Variants in RNF217 observed in about 807,000 individuals in gnomAD.
RNF217 encodes the protein E3 ubiquitin-protein ligase RNF217.
In RNF217, 31 loss-of-function variants were observed where a neutral mutation model predicts 57.8. That is an observed-to-expected ratio of 0.54 (90% confidence interval 0.40 to 0.72). The LOEUF is 0.72. Among genes scored for constraint, RNF217 ranks in the 30% least tolerant of loss-of-function variants. The pLI is 0.00. For missense variants in RNF217, 696 were observed against 708.3 expected, an observed-to-expected ratio of 0.98 and a Z score of 0.20; for synonymous variants, 313 against 294.0, an observed-to-expected ratio of 1.06 and a Z score of -0.66.
chr6:125,069,588 C>T (rs1010522610), intron 3 of RNF217, among the ~76,000 whole-genome samples: 3 of 152,122 alleles, frequency 2.0e-5, no homozygotes, highest in Admixed American at 6.5e-5. Context: ...AGTTTGTTTG[C>T]TATTGTGAAT....
chr6:125,045,143 CAAA>C, intron 1 of RNF217, 65 bp from the exon 2 acceptor site: 3 of 868,116 alleles, frequency 3.5e-6, no homozygotes, highest in Non-Finnish European at 5.3e-6. Flanking sequence ...ATACTGTATA[CAAA>C]AAAAAAAATG....
At chr6:125,060,860 A>C (rs971750043) in intron 3 of RNF217, among the ~76,000 whole-genome samples, 2 of 152,176 alleles carry the variant, frequency 1.3e-5, no homozygotes, top group African/African-American at 4.8e-5. Flanking sequence ...ACTTACTCCT[A>C]ACATCTTATT....
At chr6:125,041,047 T>C (rs6929098) in intron 1 of RNF217, among the ~76,000 whole-genome samples, 6,480 of 152,134 alleles carry the variant, frequency 0.043, 176 homozygotes, top group African/African-American at 0.08. Context: ...ACAAGGATGC[T>C]CTCTCTCACC....
intron 3 of RNF217, among the ~76,000 whole-genome samples, chr6:125,071,482 ATATGTG>A (rs1443259597): frequency 7.4e-4 from 91 of 122,366 alleles, no homozygotes; most frequent in South Asian, 2.4e-3. Flanking sequence ...ATCTGCCTAC[ATATGTG>A]TGTGTGTGTG....
rs117608432 is a variant in RNF217 at position 124,964,841 on chromosome 6, C to T, written c.882+1415C>T. ...TTCAGACATTTCCAAAATATAAGCCCGCCTCCAGGGAAGTCACTGTGAGAG... is the reference window on the plus strand; with the variant it reads ...TTCAGACATTTCCAAAATATAAGCCTGCCTCCAGGGAAGTCACTGTGAGAG... On this transcript the variant is annotated intron_variant, in intron 1 of 5. Coordinates refer to ENST00000521654, the MANE Select transcript of RNF217 (RefSeq NM_001286398.3). Among the ~76,000 whole-genome samples, 54 of 152,208 alleles carry T rather than the reference C, an allele frequency of 3.5e-4. 1 individual carries two copies. In the East Asian group the frequency reaches 7.1e-3, roughly 20 times the overall value.
intron 1 of RNF217, among the ~76,000 whole-genome samples, chr6:125,043,478 G>A (rs1786966401): frequency 6.6e-6 from 1 of 151,874 alleles, no homozygotes; most frequent in Non-Finnish European, 1.5e-5. Flanking sequence ...ACATGTTCCT[G>A]CAAAGCTTCA....
intron 3 of RNF217, among the ~76,000 whole-genome samples, chr6:125,070,055 C>A (rs936645572): frequency 9.2e-5 from 14 of 152,086 alleles, no homozygotes; most frequent in African/African-American, 2.9e-4. Context: ...ATCTTTATAC[C>A]TTTGCATCCC....
At chr6:125,049,903 A>G (rs907530373) in intron 2 of RNF217, among the ~76,000 whole-genome samples, 3 of 151,888 alleles carry the variant, frequency 2.0e-5, no homozygotes, top group South Asian at 2.1e-4. Context: ...ATATGTTGAT[A>G]GTGTTAAGTT....
At chr6:125,058,170 A>C in intron 3 of RNF217, 64 bp downstream of exon 3, 3 of 1,385,494 alleles carry the variant, frequency 2.2e-6, no homozygotes, top group Non-Finnish European at 2.0e-6. Context: ...AACAATATTT[A>C]CATTATTGAA....
At chr6:125,023,324 A>G (rs1373323524) in intron 1 of RNF217, among the ~76,000 whole-genome samples, 2 of 152,226 alleles carry the variant, frequency 1.3e-5, no homozygotes, top group Non-Finnish European at 1.5e-5. Context: ...GGAGTCCAGA[A>G]AAGTGGTCAC....
At chr6:125,046,192 C>G (rs957514895) in intron 2 of RNF217, among the ~76,000 whole-genome samples, 1 of 152,062 alleles carries the variant, frequency 6.6e-6, no homozygotes, top group Non-Finnish European at 1.5e-5. Flanking sequence ...TTCTTGTAAT[C>G]AAGTGCTTCT....
intron 3 of RNF217, 85 bp from the exon 4 acceptor site, chr6:125,076,572 A>G (rs1434412720): frequency 2.5e-6 from 2 of 796,556 alleles, no homozygotes; most frequent in Admixed American, 3.9e-5. Context: ...TGAAACTGGT[A>G]AGTGTTGTTT....
intron 1 of RNF217, among the ~76,000 whole-genome samples, chr6:124,980,723 A>C (rs1411082189): frequency 1.3e-5 from 2 of 152,160 alleles, no homozygotes; most frequent in East Asian, 3.9e-4. Context: ...TAACAACTTA[A>C]ACAAAGATTT....
chr6:125,061,397 T>C (rs562915381), intron 3 of RNF217, among the ~76,000 whole-genome samples: 2 of 151,946 alleles, frequency 1.3e-5, no homozygotes, highest in South Asian at 4.1e-4. Flanking sequence ...TATATTTTCC[T>C]GTTTGCTTGT....
At chr6:125,042,745 G>A (rs1256974488) in intron 1 of RNF217, among the ~76,000 whole-genome samples, 3 of 152,086 alleles carry the variant, frequency 2.0e-5, no homozygotes, top group South Asian at 2.1e-4. Context: ...GATTGCTCTC[G>A]TCCCTAAACT....
At chr6:125,035,412 A>G (rs1173635930) in intron 1 of RNF217, among the ~76,000 whole-genome samples, 1 of 152,200 alleles carries the variant, frequency 6.6e-6, no homozygotes, top group Non-Finnish European at 1.5e-5. Flanking sequence ...ATTCTTAAAG[A>G]AAAGAATTTT....
Position 124,962,770 on chromosome 6 carries a change from C to T in RNF217, c.226C>T (p.Pro76Ser). 1 of 1,594,834 alleles carries T rather than the reference C, an allele frequency of 6.3e-7. No homozygotes were observed. Among genetic ancestry groups the T allele is most frequent in the Non-Finnish European group, 8.5e-7 (1 of 1,178,858 alleles). The change falls in exon 1 of 6, where the codon CCG (proline) becomes TCG (serine). Residue 76 changes from proline to serine, a missense_variant. By Grantham distance (74) the Pro-to-Ser change is moderately conservative (BLOSUM62 -1). Coordinates refer to ENST00000521654, the MANE Select transcript of RNF217 (RefSeq NM_001286398.3). This position sits in a 1 kb window ranked among gnomAD's most constrained non-coding sequence, Gnocchi z 4.6. ...APEPARSLGP[P>S]GWSKSRAPAQ... ...AGAGCCCGCGAGGAGCCTGGGGCCCCCGGGCTGGAGTAAGAGCCGAGCACC... is the reference window on the plus strand; with the variant it reads ...AGAGCCCGCGAGGAGCCTGGGGCCCTCGGGCTGGAGTAAGAGCCGAGCACC...
intron 5 of RNF217, chr6:125,082,524 CTG>C: frequency 6.2e-7 from 1 of 1,612,622 alleles, no homozygotes; most frequent in Non-Finnish European, 8.5e-7. Flanking sequence ...GCTCCACAGC[CTG>C]TGTTGTTAAG....
At chr6:125,071,625 TG>T (rs1788150457) in intron 3 of RNF217, among the ~76,000 whole-genome samples, 1 of 152,028 alleles carries the variant, frequency 6.6e-6, no homozygotes, top group Non-Finnish European at 1.5e-5. Context: ...TACTACAATG[TG>T]GACTTAATAT....
Sources: gnomAD v4.1 joint callset for allele counts (sites outside exome capture counted in the v4.1 genomes callset) on GRCh38, gnomAD v4.1.1 for gene constraint, Gnocchi (gnomAD v3.1) non-coding constraint, MANE v1.5 for transcripts, NCBI Gene and HGNC (gene_info 2026-07-23, HGNC 2026-07-21) for gene names.